Variants in CLTC observed in about 807,000 individuals in gnomAD.
CLTC encodes the protein clathrin heavy chain.
CLTC carries 16 observed loss-of-function variants against 195.8 expected under a neutral mutation model. That is an observed-to-expected ratio of 0.08 (90% CI 0.06 to 0.12). The LOEUF (loss-of-function observed/expected upper bound fraction) is 0.12, where lower values mean the gene tolerates loss of function less well. Among genes scored for constraint, CLTC ranks in the 10% least tolerant of loss-of-function variants. The probability of loss-of-function intolerance (pLI) is 1.00; values close to 1 mark genes in which losing one functional copy is unlikely to be tolerated. For missense variants in CLTC, 796 were observed against 2,027.0 expected, an observed-to-expected ratio of 0.39 and a Z score of 11.66; for synonymous variants, 667 against 689.4, an observed-to-expected ratio of 0.97 and a Z score of 0.51.
At position 59,681,793 on chromosome 17, in the gene CLTC, T is replaced by G; in HGVS notation, c.3396T>G (p.Asp1132Glu). 6.2e-7 allele frequency: 1 copy of G among 1,614,050 alleles called. No individual in the cohort carries two copies. Among genetic ancestry groups the G allele is most frequent in the Non-Finnish European group, 8.5e-7 (1 of 1,179,902 alleles). Residue 1132 changes from aspartate (D) to glutamate (E), a missense_variant, in exon 21 of 32, where the codon GAT (aspartate) becomes GAG (glutamate). Coordinates refer to ENST00000269122, the MANE Select transcript of CLTC (RefSeq NM_004859.4). The surrounding 1 kb of genome is among the most constrained non-coding windows in gnomAD (Gnocchi z 5.0). ...KEAIDSYIKA[D>E]DPSSYMEVVQ... ...CCATTGATTCTTATATCAAAGCAGATGATCCTTCCTCCTACATGGAAGTTG... is the reference window on the plus strand; with the variant it reads ...CCATTGATTCTTATATCAAAGCAGAGGATCCTTCCTCCTACATGGAAGTTG...
chr17:59,667,246 A>G (rs1457805964), intron 13 of CLTC, among the ~76,000 whole-genome samples: 1 of 152,226 alleles, frequency 6.6e-6, no homozygotes, highest in Non-Finnish European at 1.5e-5. Flanking sequence ...TTGAAATTGT[A>G]TAAAATGAAA....
chr17:59,630,684 G>GTT (rs2031687125), intron 1 of CLTC, among the ~76,000 whole-genome samples: 1 of 152,194 alleles, frequency 6.6e-6, no homozygotes, highest in Non-Finnish European at 1.5e-5. Context: ...AGGACCGTTT[G>GTT]TTTCTAACTT....
At chr17:59,668,987 C>T in intron 14 of CLTC, 47 bp downstream of exon 14, 2 of 1,549,240 alleles carry the variant, frequency 1.3e-6, no homozygotes, top group Non-Finnish European at 8.7e-7. Context: ...TCCAGGTTAG[C>T]AGTTCTACAA....
chr17:59,667,059 TTTTG>T (rs2032748267), intron 13 of CLTC, 82 bp downstream of exon 13: 7 of 1,187,268 alleles, frequency 5.9e-6, no homozygotes, highest in Non-Finnish European at 8.1e-6. Context: ...CTGTTGGAAA[TTTTG>T]TTTTTCTAAA....
At chr17:59,635,618 T>C (rs1329639106) in intron 1 of CLTC, among the ~76,000 whole-genome samples, 1 of 152,188 alleles carries the variant, frequency 6.6e-6, no homozygotes, top group Non-Finnish European at 1.5e-5. Context: ...GAAAAAATTA[T>C]GGTTTTATTT....
In CLTC at chr17:59,681,579, G is replaced by A; in HGVS notation, c.3250-68G>A. On this transcript the variant is annotated intron_variant, in intron 20 of 31. Transcript: ENST00000269122. The surrounding 1 kb of genome is among the most constrained non-coding windows in gnomAD (Gnocchi z 5.0). ...ATAGAGCAGCAATAAAATACTAACA[G>A]CTTAAATGTAATTGCTTTGGGTAGG... 1.3e-6 allele frequency: 2 copies of A among 1,572,134 alleles called. No individual in the cohort carries two copies. The highest frequency in any genetic ancestry group is 1.7e-6 in the Non-Finnish European group (2 of 1,151,252).
Position 59,664,310 on chromosome 17 carries a change from G to C in CLTC, c.1521+316G>C, listed in dbSNP as rs562713345. Among the ~76,000 whole-genome samples, 25 of 152,244 alleles carry C rather than the reference G, an allele frequency of 1.6e-4. No individual in the cohort carries two copies. In the South Asian group the frequency reaches 4.8e-3, roughly 29 times the overall value. ...CTTGCGCCTGTAATCCCAGCACTTTGGGAGGCCAAGGCAGGCAGATCACTT... is the reference window on the plus strand; with the variant it reads ...CTTGCGCCTGTAATCCCAGCACTTTCGGAGGCCAAGGCAGGCAGATCACTT... On this transcript the variant is annotated intron_variant, in intron 9 of 31. Coordinates refer to ENST00000269122, the MANE Select transcript of CLTC (RefSeq NM_004859.4).
chr17:59,684,302 A>C (rs911084868), intron 28 of CLTC: 1 of 213,286 alleles, frequency 4.7e-6, no homozygotes, highest in African/African-American at 2.3e-5. Context: ...GGTATTAACT[A>C]TATTTATTCA....
intron 14 of CLTC, 21 bp from the exon 15 acceptor site, chr17:59,673,625 CT>C: frequency 1.9e-6 from 3 of 1,596,234 alleles, no homozygotes; most frequent in Non-Finnish European, 2.6e-6. Flanking sequence ...TTAAAGTTTC[CT>C]TTTGTTTGTC....
Position 59,683,331 on chromosome 17 carries a change from T to A in CLTC, c.4042-56T>A. 1 of 1,600,694 alleles carries A rather than the reference T, an allele frequency of 6.2e-7. No homozygotes were observed. Among genetic ancestry groups the A allele is most frequent in the African/African-American group, 1.3e-5 (1 of 74,404 alleles). On this transcript the variant is annotated intron_variant, in intron 25 of 31. Coordinates refer to ENST00000269122, the MANE Select transcript of CLTC (RefSeq NM_004859.4). The surrounding 1 kb of genome is among the most constrained non-coding windows in gnomAD (Gnocchi z 6.1). ...ACTAATGCTTCAAAATATCTTATTC[T>A]TTTTAAGGCTGTTAGCTAGACTCAT...
Position 59,663,882 on chromosome 17 carries a change from T to C in CLTC, c.1409T>C (p.Val470Ala), listed in dbSNP as rs1306059529. 1 of 1,613,838 alleles carries C rather than the reference T, an allele frequency of 6.2e-7. No individual in the cohort carries two copies. Among genetic ancestry groups the C allele is most frequent in the Non-Finnish European group, 8.5e-7 (1 of 1,179,868 alleles). Residue 470 changes from valine (V) to alanine (A), a missense_variant, in exon 9 of 32, where the codon GTG becomes GCG. Transcript: ENST00000269122. ...GAACTGGGTGATCTTGTGAAATCTG[T>C]GGACCCTACATTGGCACTTAGTGTG... ...SEELGDLVKS[V>A]DPTLALSVYL...
At chr17:59,638,498 CA>C (rs970088905) in intron 1 of CLTC, among the ~76,000 whole-genome samples, 2 of 44,624 alleles carry the variant, frequency 4.5e-5, no homozygotes, top group Non-Finnish European at 8.5e-5. Flanking sequence ...CAGTGGTCCA[CA>C]ACCTTTTTGG....
intron 13 of CLTC, 92 bp from the exon 14 acceptor site, chr17:59,668,685 A>T: frequency 9.5e-7 from 1 of 1,049,668 alleles, no homozygotes; most frequent in Non-Finnish European, 1.3e-6. Flanking sequence ...ATTTGGGAGT[A>T]TTCAATATAA....
chr17:59,653,423 G>C (rs955852266), intron 5 of CLTC, among the ~76,000 whole-genome samples: 1 of 151,826 alleles, frequency 6.6e-6, no homozygotes, highest in Non-Finnish European at 1.5e-5. Context: ...TCGATCTCCT[G>C]ACCTCGTGAT....
chr17:59,662,978 G>A (rs949773066), intron 8 of CLTC, among the ~76,000 whole-genome samples: 21 of 152,174 alleles, frequency 1.4e-4, no homozygotes, highest in African/African-American at 4.8e-4. Flanking sequence ...GTTGACCTAC[G>A]TAACAGGGTG....
intron 1 of CLTC, among the ~76,000 whole-genome samples, chr17:59,626,231 A>G (rs2031546574): frequency 6.6e-6 from 1 of 152,214 alleles, no homozygotes; most frequent in Admixed American, 6.5e-5. Context: ...TATTCCAACC[A>G]TTGATGTTGT....
At chr17:59,664,268 C>T (rs2032672990) in intron 9 of CLTC, among the ~76,000 whole-genome samples, 1 of 152,128 alleles carries the variant, frequency 6.6e-6, no homozygotes, top group Admixed American at 6.6e-5. Context: ...ATGGATAAGC[C>T]AGGCCAGGTG....
chr17:59,664,456 T>G (rs1296974098), intron 9 of CLTC, among the ~76,000 whole-genome samples: 3 of 148,906 alleles, frequency 2.0e-5, no homozygotes, highest in Non-Finnish European at 4.4e-5. Flanking sequence ...GAGGCCAAGG[T>G]AGGAGGATCA....
intron 16 of CLTC, among the ~76,000 whole-genome samples, chr17:59,675,048 T>A (rs2032934659): frequency 1.3e-5 from 2 of 152,214 alleles, no homozygotes. Context: ...AGGAGATCTG[T>A]TAACTTGGTT....
Sources: gnomAD v4.1 joint callset for allele counts (sites outside exome capture counted in the v4.1 genomes callset) on GRCh38, gnomAD v4.1.1 for gene constraint, Gnocchi (gnomAD v3.1) non-coding constraint, MANE v1.5 for transcripts, NCBI Gene and HGNC (gene_info 2026-07-23, HGNC 2026-07-21) for gene names.